The following EXOC6B variants were observed in gnomAD, a reference collection of about 807,000 sequenced individuals.
EXOC6B encodes SEC15 homolog B.
Under a neutral mutation model 113.5 loss-of-function variants are expected in EXOC6B, and 54 were observed. The observed-to-expected ratio is 0.48, with a 90% CI of 0.38 to 0.60. The LOEUF is 0.60. EXOC6B is among the 20% of genes least tolerant of loss of function. The pLI is 0.00. For missense variants in EXOC6B, 797 were observed against 977.5 expected, an observed-to-expected ratio of 0.82 and a Z score of 2.46; for synonymous variants, 357 against 339.0, an observed-to-expected ratio of 1.05 and a Z score of -0.58.
chr2:72,431,246 T>C (rs1297556501), intron 18 of EXOC6B, among the ~76,000 whole-genome samples: 1 of 152,194 alleles, frequency 6.6e-6, no homozygotes, highest in Non-Finnish European at 1.5e-5. Context: ...ATGTGACATA[T>C]ACTTTTAGAA....
chr2:72,283,570 G>C (rs1436456587), intron 20 of EXOC6B, among the ~76,000 whole-genome samples: 1 of 152,122 alleles, frequency 6.6e-6, no homozygotes, highest in South Asian at 2.1e-4. Context: ...GGAGGAGTAG[G>C]GGGAGGGGCA....
At chr2:72,320,999 A>G (rs1015815841) in intron 20 of EXOC6B, among the ~76,000 whole-genome samples, 1 of 152,196 alleles carries the variant, frequency 6.6e-6, no homozygotes, top group Non-Finnish European at 1.5e-5. Context: ...ATAATTAGTC[A>G]TTAGGTTAAT....
chr2:72,711,367 G>A (rs1679262989), intron 6 of EXOC6B, among the ~76,000 whole-genome samples: 1 of 152,058 alleles, frequency 6.6e-6, no homozygotes, highest in African/African-American at 2.4e-5. Context: ...TCCACTAAAT[G>A]CTTCAATCTA....
intron 20 of EXOC6B, among the ~76,000 whole-genome samples, chr2:72,306,885 A>G (rs1036967237): frequency 6.6e-6 from 1 of 152,150 alleles, no homozygotes; most frequent in African/African-American, 2.4e-5. Context: ...ATTCCATTTT[A>G]TTTAAGATAT....
chr2:72,603,808 CT>C (rs1558836017), intron 6 of EXOC6B, among the ~76,000 whole-genome samples: 1 of 152,128 alleles, frequency 6.6e-6, no homozygotes, highest in Non-Finnish European at 1.5e-5. Context: ...ATGAAGGGCA[CT>C]TTATATCTTG....
chr2:72,365,792 T>C (rs951071688), intron 19 of EXOC6B, among the ~76,000 whole-genome samples: 2 of 152,158 alleles, frequency 1.3e-5, no homozygotes, highest in Non-Finnish European at 2.9e-5. Context: ...GGGATGACCA[T>C]ACTTTGTGTT....
chr2:72,718,762 T>C (rs1032972111), intron 5 of EXOC6B, among the ~76,000 whole-genome samples: 2 of 152,186 alleles, frequency 1.3e-5, no homozygotes, highest in Non-Finnish European at 2.9e-5. Context: ...ATGAGAATCA[T>C]TTGAACCCCG....
intron 18 of EXOC6B, among the ~76,000 whole-genome samples, chr2:72,440,875 G>A (rs573016050): frequency 6.6e-6 from 1 of 151,974 alleles, no homozygotes; most frequent in African/African-American, 2.4e-5. Flanking sequence ...AGCAGGGATT[G>A]CTATCCTACT....
chr2:72,522,019 T>C (rs1015434593), intron 8 of EXOC6B, among the ~76,000 whole-genome samples: 3 of 152,102 alleles, frequency 2.0e-5, no homozygotes, highest in Non-Finnish European at 4.4e-5. Context: ...TTATATTGAA[T>C]CCATATATAC....
chr2:72,445,875 C>A (rs1367970001), intron 18 of EXOC6B, among the ~76,000 whole-genome samples: 1 of 152,180 alleles, frequency 6.6e-6, no homozygotes, highest in Non-Finnish European at 1.5e-5. Flanking sequence ...ATGTGGCCAA[C>A]AAGCATATGT....
intron 5 of EXOC6B, among the ~76,000 whole-genome samples, chr2:72,720,920 A>C (rs948546080): frequency 6.6e-5 from 10 of 152,304 alleles, no homozygotes; most frequent in African/African-American, 1.9e-4. Context: ...TAAGCATAGA[A>C]GGACAAATAA....
intron 6 of EXOC6B, among the ~76,000 whole-genome samples, chr2:72,651,368 A>G (rs1490663779): frequency 1.3e-5 from 2 of 152,220 alleles, no homozygotes; most frequent in African/African-American, 4.8e-5. Context: ...AATAAAATAC[A>G]GGAAATTACA....
intron 20 of EXOC6B, among the ~76,000 whole-genome samples, chr2:72,234,930 A>C (rs1681863767): frequency 6.6e-6 from 1 of 152,234 alleles, no homozygotes; most frequent in Non-Finnish European, 1.5e-5. Context: ...AGAAAAGGAA[A>C]TGCTTATACA....
intron 1 of EXOC6B, among the ~76,000 whole-genome samples, chr2:72,805,722 T>C (rs950717391): frequency 7.2e-5 from 11 of 152,192 alleles, no homozygotes; most frequent in Admixed American, 3.3e-4. Context: ...ACAGTAGGTC[T>C]CTTAAAGATT....
chr2:72,262,872 A>G (rs369379922), intron 20 of EXOC6B, among the ~76,000 whole-genome samples: 3 of 152,320 alleles, frequency 2.0e-5, no homozygotes, highest in East Asian at 3.9e-4. Context: ...AAAAGAGAAT[A>G]AGGTCTGCCT....
rs149607642 is a variant in EXOC6B at position 72,598,408 on chromosome 2, A to G, written c.670-22740T>C. On this transcript the variant is annotated intron_variant, in intron 6 of 21. Transcript: ENST00000272427. ...CTAATAAAAATTTGTGGTATAGAGC[A>G]GAAACAGTGCTTACAGGGGAATTTA... Among the ~76,000 whole-genome samples the G allele has an allele frequency of 9.5e-4, 145 of 152,166 alleles. No homozygotes were observed. In the Middle Eastern group the frequency reaches 0.027, roughly 29 times the overall value.
intron 20 of EXOC6B, among the ~76,000 whole-genome samples, chr2:72,229,036 A>G (rs1681440105): frequency 6.6e-6 from 1 of 152,090 alleles, no homozygotes; most frequent in Non-Finnish European, 1.5e-5. Context: ...GCATTTTTTC[A>G]TGTGTCTTTT....
chr2:72,498,314 G>T lies in EXOC6B; in HGVS notation c.1337+140C>A, dbSNP rs570376799. 11 of 557,420 alleles carry T rather than the reference G, an allele frequency of 2.0e-5. No homozygotes were observed. In the South Asian group the frequency reaches 3.1e-4, roughly 16 times the overall value. The allele number at this position is 557,420 out of a possible 1,614,324, so 34.5% of individuals were successfully genotyped here. ...GTTCTAACAGTTTATTTGAATTCTG[G>T]ATCATAACCTAGAGTAGCTACAAAA... is the stretch of plus-strand genomic sequence containing the variant. On this transcript the variant is annotated intron_variant, in intron 13 of 21. Coordinates refer to ENST00000272427, the MANE Select transcript of EXOC6B (RefSeq NM_015189.3).
At chr2:72,455,512 A>C (rs1697174087) in intron 18 of EXOC6B, among the ~76,000 whole-genome samples, 1 of 152,132 alleles carries the variant, frequency 6.6e-6, no homozygotes, top group African/African-American at 2.4e-5. Context: ...TCTCATATAG[A>C]GTTTAGAGGT....
Sources: allele counts gnomAD v4.1 joint callset (sites outside exome capture counted in the v4.1 genomes callset), GRCh38; gene constraint gnomAD v4.1.1; transcripts MANE v1.5; gene names NCBI Gene and HGNC (gene_info 2026-07-23, HGNC 2026-07-21).